TNNI3K: variants seen among roughly 807,000 people sequenced by gnomAD.
TNNI3K encodes serine/threonine-protein kinase TNNI3K.
TNNI3K carries 140 observed loss-of-function variants against 114.5 expected under a neutral mutation model. The ratio of observed to expected loss-of-function variants is 1.22; its 90% confidence interval spans 1.07 to 1.41. TNNI3K has a LOEUF of 1.41. Ranked by LOEUF, TNNI3K falls within the 40% of genes most tolerant of loss-of-function variation. The pLI, the probability that TNNI3K is intolerant of heterozygous loss-of-function variation, is 0.00. For missense variants in TNNI3K, 1,125 were observed against 1,007.6 expected (o/e 1.12, Z -1.58); for synonymous variants, 347 against 347.5 (o/e 1.00, Z 0.02).
At chr1:74,389,072 C>A (rs192871006) in intron 17 of TNNI3K, among the ~76,000 whole-genome samples, 1 of 152,174 alleles carries the variant, frequency 6.6e-6, no homozygotes, top group African/African-American at 2.4e-5. Flanking sequence ...TGCAAGGGAA[C>A]AGACCACAGA....
chr1:74,382,659 G>T (rs1017594406), intron 17 of TNNI3K, among the ~76,000 whole-genome samples: 18 of 152,182 alleles, frequency 1.2e-4, no homozygotes, highest in Non-Finnish European at 2.5e-4. Flanking sequence ...TTTAATCCTG[G>T]ATGGATGGTC....
At chr1:74,530,748 A>G (rs895575194) in intron 23 of TNNI3K, among the ~76,000 whole-genome samples, 1 of 146,848 alleles carries the variant, frequency 6.8e-6, no homozygotes, top group African/African-American at 2.5e-5. Context: ...TTCCTGGATG[A>G]TAGTATAGAA....
rs182134030 is a variant in TNNI3K, at chr1:74,346,990, A to G, written c.932+3811A>G. ...TTTTAAATTAAATACCTATTTATTT[A>G]TTTATTAATTATTATTATTATTTTT... On this transcript the variant is annotated intron_variant, in intron 9 of 24. Coordinates refer to ENST00000326637, the MANE Select transcript of TNNI3K (RefSeq NM_015978.3). 3.9e-3 allele frequency among the ~76,000 whole-genome samples: 585 copies of G among 151,178 alleles called. 3 individuals carry two copies. The highest frequency in any genetic ancestry group is 6.6e-3 in the Non-Finnish European group (446 of 67,882).
At chr1:74,389,799 A>G (rs1663672305) in intron 17 of TNNI3K, among the ~76,000 whole-genome samples, 1 of 152,232 alleles carries the variant, frequency 6.6e-6, no homozygotes, top group African/African-American at 2.4e-5. Flanking sequence ...TCAGGAAAAC[A>G]AAAGGTTATA....
intron 2 of TNNI3K, chr1:74,240,642 A>G (rs750829730): frequency 4.6e-5 from 7 of 152,312 alleles, no homozygotes; most frequent in Non-Finnish European, 7.3e-5. Context: ...TTTTGTTTCA[A>G]TAGTTTTTAT....
intron 17 of TNNI3K, among the ~76,000 whole-genome samples, chr1:74,419,549 G>A (rs1285368502): frequency 6.6e-6 from 1 of 151,984 alleles, no homozygotes; most frequent in Admixed American, 6.6e-5. Context: ...TAGTGCTACT[G>A]TGAATTTGTG....
intron 17 of TNNI3K, among the ~76,000 whole-genome samples, chr1:74,404,019 G>A (rs992943143): frequency 6.6e-6 from 1 of 152,142 alleles, no homozygotes; most frequent in East Asian, 1.9e-4. Context: ...GGACCCCACT[G>A]CCCACCCCAA....
intron 21 of TNNI3K, among the ~76,000 whole-genome samples, chr1:74,483,100 A>C (rs1370745112): frequency 6.6e-6 from 1 of 152,240 alleles, no homozygotes; most frequent in Non-Finnish European, 1.5e-5. Flanking sequence ...CAGGAACAGG[A>C]AAATAAAATA....
rs188995943 is a variant in TNNI3K, at chr1:74,368,721, G to A, written c.1322-301G>A. Reference sequence around the variant, plus strand: ...AGTAGATCAGGAATAGACCCTTAGCGCTGGTAACCAGATCAGGAATAGACC... The same window carrying A: ...AGTAGATCAGGAATAGACCCTTAGCACTGGTAACCAGATCAGGAATAGACC... On this transcript the variant is annotated intron_variant, in intron 13 of 24. Coordinates refer to ENST00000326637, the MANE Select transcript of TNNI3K (RefSeq NM_015978.3). Among the ~76,000 whole-genome samples, 9 of 151,648 alleles carry A rather than the reference G, an allele frequency of 5.9e-5. No homozygotes were observed. The East Asian group carries it at 7.9e-4, about 13-fold the overall frequency.
At chr1:74,397,928 T>C (rs1191941725) in intron 17 of TNNI3K, among the ~76,000 whole-genome samples, 1 of 152,224 alleles carries the variant, frequency 6.6e-6, no homozygotes, top group Non-Finnish European at 1.5e-5. Context: ...ATTCCAAATA[T>C]TCCCTATGGA....
intron 21 of TNNI3K, among the ~76,000 whole-genome samples, chr1:74,465,316 G>A (rs1286121716): frequency 6.6e-6 from 1 of 152,208 alleles, no homozygotes; most frequent in East Asian, 1.9e-4. Context: ...GCGCTCGGGT[G>A]CCAGCATGAG....
chr1:74,269,738 G>C (rs1656228050), intron 4 of TNNI3K, among the ~76,000 whole-genome samples: 1 of 151,818 alleles, frequency 6.6e-6, no homozygotes, highest in Non-Finnish European at 1.5e-5. Flanking sequence ...TTTTGCATTT[G>C]AGATGCCATT....
intron 6 of TNNI3K, among the ~76,000 whole-genome samples, chr1:74,335,101 G>T (rs772324315): frequency 1.3e-5 from 2 of 152,098 alleles, no homozygotes; most frequent in Non-Finnish European, 2.9e-5. Flanking sequence ...AACATTTACA[G>T]AACAAATACT....
chr1:74,527,704 G>A (rs1382630052), intron 23 of TNNI3K, among the ~76,000 whole-genome samples: 1 of 152,208 alleles, frequency 6.6e-6, no homozygotes, highest in Non-Finnish European at 1.5e-5. Flanking sequence ...TGGAATCAGG[G>A]AGGTGACATA....
At chr1:74,330,763 A>G (rs1243037737) in intron 5 of TNNI3K, among the ~76,000 whole-genome samples, 2 of 152,168 alleles carry the variant, frequency 1.3e-5, no homozygotes, top group East Asian at 1.9e-4. Context: ...CATGATGACA[A>G]TTGGCCAACA....
At position 74,492,195 on chromosome 1, in the gene TNNI3K, G is replaced by C; in HGVS notation, c.2280G>C (p.Val760=). 6.2e-7 allele frequency: 1 copy of C among 1,612,824 alleles called. No homozygotes were observed. The highest frequency in any genetic ancestry group is 1.1e-5 in the South Asian group (1 of 90,894). Residue 760 remains valine, a synonymous_variant, in exon 23 of 25, where the codon GTG becomes GTC. Transcript: ENST00000326637. ...VNRGGPGRSH[V]AALRSRFELE... Reference sequence around the variant, plus strand: ...GGGGAGGACCTGGCCGGAGTCATGTGGCAGCATTAAGAAGTCGTTTCGAAT... The same window carrying C: ...GGGGAGGACCTGGCCGGAGTCATGTCGCAGCATTAAGAAGTCGTTTCGAAT...
intron 22 of TNNI3K, 30 bp from the exon 23 acceptor site, chr1:74,492,067 A>C: frequency 6.7e-7 from 1 of 1,485,834 alleles, no homozygotes. Context: ...GGAAGTATTA[A>C]ACAATTGAAA....
At chr1:74,250,616 C>A in intron 3 of TNNI3K, 56 bp from the exon 4 acceptor site, 1 of 1,536,808 alleles carries the variant, frequency 6.5e-7, no homozygotes, top group Non-Finnish European at 8.8e-7. Flanking sequence ...CAAAAAGAGT[C>A]TCAAACTCAC....
At chr1:74,310,465 A>C (rs1658920791) in intron 5 of TNNI3K, among the ~76,000 whole-genome samples, 1 of 152,130 alleles carries the variant, frequency 6.6e-6, no homozygotes, top group Admixed American at 6.5e-5. Context: ...AGTAGAAAAA[A>C]ATTCTAAAAC....
Sources: gnomAD v4.1 joint callset for allele counts (sites outside exome capture counted in the v4.1 genomes callset) on GRCh38, gnomAD v4.1.1 for gene constraint, MANE v1.5 for transcripts, NCBI Gene and HGNC (gene_info 2026-07-23, HGNC 2026-07-21) for gene names.